DYM: variants seen among roughly 807,000 people sequenced by gnomAD.
DYM encodes dyggve-Melchior-Clausen syndrome protein.
A neutral mutation model predicts 93.1 loss-of-function variants in DYM; 78 were observed. The observed-to-expected ratio is 0.84, with a 90% CI of 0.70 to 1.01. The LOEUF is 1.01. DYM is among the 50% of genes least tolerant of loss of function. The probability of loss-of-function intolerance (pLI) is 0.00; values close to 1 mark genes in which losing one functional copy is unlikely to be tolerated. For synonymous variants in DYM, 321 were observed against 319.7 expected (o/e 1.00, Z -0.04); for missense variants, 789 against 845.0 (o/e 0.93, Z 0.82).
At chr18:49,146,895 C>T (rs1219474283) in intron 15 of DYM, among the ~76,000 whole-genome samples, 2 of 152,152 alleles carry the variant, frequency 1.3e-5, no homozygotes, top group Non-Finnish European at 2.9e-5. Context: ...CAAGTCAATC[C>T]TAAGCCAAAA....
intron 8 of DYM, among the ~76,000 whole-genome samples, chr18:49,317,607 C>T (rs1264453133): frequency 1.5e-3 from 15 of 10,192 alleles, no homozygotes; most frequent in East Asian, 0.015. Flanking sequence ...CCCCCCTCCC[C>T]CCTCCCTCCC....
chr18:49,294,715 C>T (rs1011018718), intron 8 of DYM, among the ~76,000 whole-genome samples: 9 of 151,978 alleles, frequency 5.9e-5, no homozygotes, highest in Admixed American at 5.2e-4. Flanking sequence ...ATTAAACATG[C>T]TACTTGCTAA....
At chr18:49,391,475 AATT>A in intron 3 of DYM, 115 bp downstream of exon 3, 1 of 1,084,512 alleles carries the variant, frequency 9.2e-7, no homozygotes, top group East Asian at 2.5e-5. Context: ...AAATAGAAAA[AATT>A]ATTACTATTG....
intron 16 of DYM, among the ~76,000 whole-genome samples, chr18:49,112,828 G>A (rs833500): frequency 0.075 from 11,471 of 152,032 alleles, 648 homozygotes; most frequent in Non-Finnish European, 0.11. Flanking sequence ...CCATAACTCC[G>A]TCCCACCCAC....
chr18:49,133,420 G>A lies in DYM; in HGVS notation c.1729-14494C>T, dbSNP rs12454644. 1.8e-4 allele frequency among the ~76,000 whole-genome samples: 28 copies of A among 152,114 alleles called. 1 individual carries two copies. Among genetic ancestry groups the A allele is most frequent in the Admixed American group, 9.8e-4 (15 of 15,286 alleles). On this transcript the variant is annotated intron_variant, in intron 15 of 17. Coordinates refer to ENST00000675505, the MANE Select transcript of DYM (RefSeq NM_001353214.3). Reference sequence around the variant, plus strand: ...CGCTTAAAACAACACAAAATTTGTCGTCTCACAGTTCTGCAGACATTCAGA... The same window carrying A: ...CGCTTAAAACAACACAAAATTTGTCATCTCACAGTTCTGCAGACATTCAGA...
At chr18:49,191,433 G>GA (rs547591781) in intron 14 of DYM, among the ~76,000 whole-genome samples, 17 of 149,878 alleles carry the variant, frequency 1.1e-4, no homozygotes, top group African/African-American at 2.9e-4. Flanking sequence ...ACTTTGAGAA[G>GA]AAAAAAAAAT....
intron 6 of DYM, among the ~76,000 whole-genome samples, chr18:49,346,468 G>C (rs1161476177): frequency 6.6e-6 from 1 of 152,170 alleles, no homozygotes; most frequent in African/African-American, 2.4e-5. Flanking sequence ...GGGCAGAAGA[G>C]AGGGATAAAT....
chr18:49,080,485 CGGACGGGGCGGCT>C (rs2077816126), intron 17 of DYM, among the ~76,000 whole-genome samples: 1 of 145,676 alleles, frequency 6.9e-6, no homozygotes, highest in South Asian at 2.2e-4. Flanking sequence ...CCTCACCTCC[CGGACGGGGCGGCT>C]GGCCGGGCAG....
chr18:49,234,001 C>T (rs1488814485), intron 13 of DYM, among the ~76,000 whole-genome samples: 3 of 152,028 alleles, frequency 2.0e-5, no homozygotes, highest in Admixed American at 6.6e-5. Flanking sequence ...TGGTAGCGGG[C>T]GCCTGTAGTC....
At chr18:49,440,533 CTATA>C (rs1408341585) in intron 1 of DYM, among the ~76,000 whole-genome samples, 1 of 19,484 alleles carries the variant, frequency 5.1e-5, no homozygotes, top group African/African-American at 2.2e-4. Flanking sequence ...TAATATATGA[CTATA>C]TATTATATAT....
At chr18:49,396,944 A>G (rs764325350) in intron 2 of DYM, among the ~76,000 whole-genome samples, 2 of 152,204 alleles carry the variant, frequency 1.3e-5, no homozygotes, top group Admixed American at 1.3e-4. Context: ...AGAGGTCAAC[A>G]GGTATAAAGT....
At chr18:49,248,200 T>C (rs1321239684) in intron 13 of DYM, among the ~76,000 whole-genome samples, 2 of 152,210 alleles carry the variant, frequency 1.3e-5, no homozygotes, top group Non-Finnish European at 2.9e-5. Flanking sequence ...ATTAAAAACT[T>C]CTATCTATGT....
intron 6 of DYM, among the ~76,000 whole-genome samples, chr18:49,351,071 G>A (rs927014262): frequency 1.3e-5 from 2 of 152,086 alleles, no homozygotes; most frequent in Non-Finnish European, 2.9e-5. Context: ...AGATAAGAGA[G>A]GTTAAATCTA....
chr18:49,168,395 G>A (rs116150114), intron 14 of DYM, among the ~76,000 whole-genome samples: 3 of 152,168 alleles, frequency 2.0e-5, no homozygotes, highest in African/African-American at 7.2e-5. Context: ...AGAAAACAGA[G>A]CCCCTGCCAA....
At chr18:49,243,678 A>AG (rs1451740806) in intron 13 of DYM, among the ~76,000 whole-genome samples, 31 of 151,136 alleles carry the variant, frequency 2.1e-4, no homozygotes, top group African/African-American at 7.3e-4. Context: ...AAAAAAAAAA[A>AG]AAAGAAAAAA....
chr18:49,413,129 A>T (rs1026373338), intron 2 of DYM: 3 of 152,250 alleles, frequency 2.0e-5, no homozygotes, highest in African/African-American at 7.2e-5. Context: ...ACTTACATGA[A>T]ACTGGGTCTC....
intron 5 of DYM, among the ~76,000 whole-genome samples, chr18:49,364,743 T>G (rs1188565118): frequency 2.0e-5 from 3 of 152,162 alleles, no homozygotes; most frequent in Non-Finnish European, 4.4e-5. Context: ...GCAGTGTATA[T>G]TCCAGCAATG....
At chr18:49,149,221 G>A (rs1334404039) in intron 15 of DYM, among the ~76,000 whole-genome samples, 2 of 152,130 alleles carry the variant, frequency 1.3e-5, no homozygotes, top group African/African-American at 2.4e-5. Flanking sequence ...GTGACGGGGA[G>A]AAGCTGCCAA....
At chr18:49,224,407 A>T (rs2093461107) in intron 13 of DYM, among the ~76,000 whole-genome samples, 1 of 152,112 alleles carries the variant, frequency 6.6e-6, no homozygotes, top group Non-Finnish European at 1.5e-5. Context: ...GGGAGTGGCT[A>T]CAATCACCTA....
Sources: allele counts gnomAD v4.1 joint callset (sites outside exome capture counted in the v4.1 genomes callset), GRCh38; gene constraint gnomAD v4.1.1; transcripts MANE v1.5; gene names NCBI Gene and HGNC (gene_info 2026-07-23, HGNC 2026-07-21).